PSMB7: variants seen among roughly 807,000 people sequenced by gnomAD.
The protein encoded by PSMB7 is proteasome 20S subunit beta 7.
Under a neutral mutation model 28.1 loss-of-function variants are expected in PSMB7, and 5 were observed. The ratio of observed to expected loss-of-function variants is 0.18; its 90% CI spans 0.09 to 0.37. PSMB7 has a LOEUF of 0.37. PSMB7 is among the 10% of genes least tolerant of loss of function. The pLI, the probability that PSMB7 is intolerant of heterozygous loss-of-function variation, is 1.00. For synonymous variants in PSMB7, 122 were observed against 123.7 expected, an observed-to-expected ratio of 0.99 and a Z score of 0.09; for missense variants, 275 against 346.2, an observed-to-expected ratio of 0.79 and a Z score of 1.63.
At chr9:124,387,486 C>G (rs1830736791) in intron 5 of PSMB7, among the ~76,000 whole-genome samples, 1 of 150,216 alleles carries the variant, frequency 6.7e-6, no homozygotes, top group Non-Finnish European at 1.5e-5. Flanking sequence ...AAAATACATA[C>G]ATACACACAC....
chr9:124,409,980 T>C (rs1588583689), intron 4 of PSMB7, among the ~76,000 whole-genome samples: 1 of 151,504 alleles, frequency 6.6e-6, no homozygotes, highest in Non-Finnish European at 1.5e-5. Flanking sequence ...AACTAAAAAA[T>C]GACAAAACAC....
intron 5 of PSMB7, among the ~76,000 whole-genome samples, chr9:124,387,488 TAC>T (rs937848274): frequency 4.0e-5 from 6 of 149,576 alleles, no homozygotes; most frequent in Middle Eastern, 3.2e-3. Flanking sequence ...AATACATACA[TAC>T]ACACACACAC....
chr9:124,412,515 T>A (rs1831039284), intron 3 of PSMB7, 23 bp from the exon 4 acceptor site: 1 of 1,611,928 alleles, frequency 6.2e-7, no homozygotes, highest in African/African-American at 1.3e-5. Context: ...ATTAGAAACT[T>A]AGCTGAAATC....
At chr9:124,396,727 G>A in intron 5 of PSMB7, 2 of 455,978 alleles carry the variant, frequency 4.4e-6, no homozygotes, top group South Asian at 3.3e-5. Context: ...GGATAAGCAG[G>A]CAAAAACAAA....
intron 4 of PSMB7, 39 bp downstream of exon 4, chr9:124,412,310 GAGA>G (rs770561108): frequency 1.1e-5 from 18 of 1,578,700 alleles, no homozygotes; most frequent in Admixed American, 1.7e-5. Context: ...TCTAAGATAT[GAGA>G]AGAAGATACT....
At chr9:124,387,227 C>A (rs1830733619) in intron 5 of PSMB7, among the ~76,000 whole-genome samples, 1 of 152,124 alleles carries the variant, frequency 6.6e-6, no homozygotes, top group South Asian at 2.1e-4. Flanking sequence ...GCCTGGGCGA[C>A]AGAGCAAGAC....
chr9:124,377,660 G>A (rs1425544005), intron 6 of PSMB7, among the ~76,000 whole-genome samples: 3 of 152,232 alleles, frequency 2.0e-5, no homozygotes, highest in African/African-American at 7.2e-5. Flanking sequence ...CAAGCCTTTA[G>A]GGCGATAGCT....
At chr9:124,399,036 A>T (rs1830871564) in intron 5 of PSMB7, among the ~76,000 whole-genome samples, 1 of 41,810 alleles carries the variant, frequency 2.4e-5, no homozygotes, top group Admixed American at 2.5e-4. Flanking sequence ...AAGTAAAAGG[A>T]CCTGTCACAT....
At chr9:124,389,475 T>C (rs1460006523) in intron 5 of PSMB7, among the ~76,000 whole-genome samples, 1 of 152,156 alleles carries the variant, frequency 6.6e-6, no homozygotes, top group African/African-American at 2.4e-5. Context: ...TGAATGTAAG[T>C]GAGGACACTA....
rs143961480 is a variant in PSMB7 at position 124,415,400 on chromosome 9, G to A, written c.26C>T (p.Pro9Leu). 7.4e-6 allele frequency: 12 copies of A among 1,614,022 alleles called. No homozygotes were observed. The highest frequency in any genetic ancestry group is 6.7e-5 in the African/African-American group (5 of 74,924). Residue 9 changes from proline (P) to leucine (L), a missense_variant, in exon 1 of 8, where the codon CCA becomes CTA. Transcript: ENST00000259457. MAAVSVYA[P>L]PVGGFSFDNC... ...ATCAAAAGAGAAGCCTCCAACTGGT[G>A]GAGCATACACCGACACAGCCGCCAT...
At chr9:124,354,871 G>A (rs976780945) in intron 7 of PSMB7, among the ~76,000 whole-genome samples, 62 of 152,186 alleles carry the variant, frequency 4.1e-4, no homozygotes, top group Middle Eastern at 3.2e-3. Context: ...GGACACACAA[G>A]AGCCTCCTCA....
Position 124,382,200 on chromosome 9 carries a change from CTT to C in PSMB7, c.570+2396_570+2397del, listed in dbSNP as rs1164339420. Among the ~76,000 whole-genome samples, 237 of 55,946 alleles carry C rather than the reference CTT, an allele frequency of 4.2e-3. 1 individual carries two copies. Among genetic ancestry groups the C allele is most frequent in the African/African-American group, 0.016 (228 of 14,196 alleles). The allele number at this position is 55,946 out of a possible 152,430, so 36.7% of individuals were successfully genotyped here. ...GAGACTCTGTCTCTCTCTCTTTTCT[CTT>C]TTTTTTTTTTTTTTTTTTTTTTTGA... On this transcript the variant is annotated intron_variant, in intron 6 of 7. Transcript: ENST00000259457.
intron 5 of PSMB7, among the ~76,000 whole-genome samples, chr9:124,393,777 T>C (rs1447685092): frequency 6.6e-6 from 1 of 152,234 alleles, no homozygotes; most frequent in Non-Finnish European, 1.5e-5. Flanking sequence ...GGGCCTAAAA[T>C]GTGAGAGGTT....
At chr9:124,380,554 G>GA (rs1830653852) in intron 6 of PSMB7, among the ~76,000 whole-genome samples, 1 of 151,976 alleles carries the variant, frequency 6.6e-6, no homozygotes, top group Non-Finnish European at 1.5e-5. Context: ...AAGAGAAAAA[G>GA]AAAAGAAAAA....
At chr9:124,398,875 G>C (rs961272314) in intron 5 of PSMB7, among the ~76,000 whole-genome samples, 2 of 152,104 alleles carry the variant, frequency 1.3e-5, no homozygotes, top group Non-Finnish European at 2.9e-5. Context: ...CAGGTTTCTC[G>C]TCAGTAAAAT....
At chr9:124,412,576 T>A in intron 3 of PSMB7, 84 bp from the exon 4 acceptor site, 3 of 1,428,558 alleles carry the variant, frequency 2.1e-6, no homozygotes, top group Non-Finnish European at 2.9e-6. Flanking sequence ...ATAACTTCCA[T>A]GAAGTTCAGG....
At chr9:124,412,126 A>C (rs1459996962) in intron 4 of PSMB7, among the ~76,000 whole-genome samples, 3 of 152,094 alleles carry the variant, frequency 2.0e-5, no homozygotes, top group African/African-American at 7.2e-5. Context: ...CCAGGAAATG[A>C]CTCAACTGGT....
At chr9:124,410,275 T>C (rs1831016216) in intron 4 of PSMB7, among the ~76,000 whole-genome samples, 1 of 152,196 alleles carries the variant, frequency 6.6e-6, no homozygotes, top group South Asian at 2.1e-4. Context: ...ATTACAGGCA[T>C]GAGCCACCGC....
chr9:124,365,900 G>C (rs1347445897), intron 6 of PSMB7, among the ~76,000 whole-genome samples: 1 of 152,146 alleles, frequency 6.6e-6, no homozygotes, highest in Non-Finnish European at 1.5e-5. Flanking sequence ...GAGAGACAGA[G>C]CAAAACCTTG....
Sources: allele counts gnomAD v4.1 joint callset (sites outside exome capture counted in the v4.1 genomes callset), GRCh38; gene constraint gnomAD v4.1.1; transcripts MANE v1.5; gene names NCBI Gene and HGNC (gene_info 2026-07-23, HGNC 2026-07-21).